The following ZCCHC10 variants were observed in gnomAD, a reference collection of about 807,000 sequenced individuals.
ZCCHC10 encodes the protein zinc finger CCHC domain-containing protein 10.
Under a neutral mutation model 19.5 loss-of-function variants are expected in ZCCHC10, and 16 were observed. The observed-to-expected ratio is 0.82, with a 90% CI of 0.56 to 1.25. ZCCHC10 has a LOEUF of 1.25. ZCCHC10 is among the 50% of genes most tolerant of loss of function. The pLI is 0.00. For missense variants in ZCCHC10, 197 were observed against 201.0 expected, an observed-to-expected ratio of 0.98 and a Z score of 0.12; for synonymous variants, 67 against 72.5, an observed-to-expected ratio of 0.92 and a Z score of 0.38.
intron 1 of ZCCHC10, 103 bp downstream of exon 1, chr5:133,026,394 C>T: frequency 6.7e-7 from 1 of 1,482,774 alleles, no homozygotes; most frequent in Non-Finnish European, 9.2e-7. Context: ...GTTTGAGAAA[C>T]GGACATTCTC....
chr5:133,018,406 T>G (rs1263705024), intron 2 of ZCCHC10, among the ~76,000 whole-genome samples: 3 of 151,740 alleles, frequency 2.0e-5, no homozygotes, highest in African/African-American at 4.8e-5. Flanking sequence ...CCTTGGCCTC[T>G]CTCTTTTTTT....
At position 132,997,502 on chromosome 5, in the gene ZCCHC10, C is replaced by T. The variant is rs1762503137; in HGVS notation, c.*1081G>A. On this transcript the variant is annotated 3_prime_UTR_variant, in exon 5 of 5. Transcript: ENST00000509437. ...CATTTTACTTTTAAGAAATATTGTG[C>T]AGTATCTCCTTTTTAACCTTTCATG... The T allele has an allele frequency of 6.6e-6, 1 of 152,070 alleles. No individual in the cohort carries two copies. Among genetic ancestry groups the T allele is most frequent in the African/African-American group, 2.4e-5 (1 of 41,412 alleles). 9.4% of individuals were successfully genotyped at this position (152,070 alleles called of 1,614,324 possible). A position where few individuals can be genotyped will look rare whatever the true frequency, so the allele number is the denominator to read the frequency against.
At chr5:133,004,781 T>A (rs112244576) in intron 3 of ZCCHC10, among the ~76,000 whole-genome samples, 4,470 of 151,598 alleles carry the variant, frequency 0.029, 219 homozygotes, top group African/African-American at 0.1. Flanking sequence ...TAAGCCACCG[T>A]GCCCGGCTTA....
intron 3 of ZCCHC10, among the ~76,000 whole-genome samples, chr5:133,005,465 T>C (rs968434517): frequency 5.9e-5 from 9 of 151,802 alleles, no homozygotes; most frequent in African/African-American, 2.2e-4. Context: ...ATACAAAAAA[T>C]TAGCCAGGCG....
At chr5:133,008,442 G>T (rs887641338) in intron 2 of ZCCHC10, among the ~76,000 whole-genome samples, 1 of 150,882 alleles carries the variant, frequency 6.6e-6, no homozygotes, top group Non-Finnish European at 1.5e-5. Flanking sequence ...GGAGGCTGAG[G>T]CAGGAGAATC....
At chr5:133,011,143 G>C (rs1157964529) in intron 2 of ZCCHC10, among the ~76,000 whole-genome samples, 2 of 151,120 alleles carry the variant, frequency 1.3e-5, no homozygotes, top group Non-Finnish European at 2.9e-5. Context: ...TTAGAGAAGA[G>C]GTCTCACTAA....
intron 3 of ZCCHC10, among the ~76,000 whole-genome samples, chr5:133,006,197 C>T (rs778276384): frequency 1.3e-5 from 2 of 151,720 alleles, no homozygotes; most frequent in East Asian, 1.9e-4. Flanking sequence ...GTTGGCCAGG[C>T]GTCGGCCTCC....
chr5:133,014,688 C>T (rs74349292), intron 2 of ZCCHC10, among the ~76,000 whole-genome samples: 1,914 of 152,312 alleles, frequency 0.013, 52 homozygotes, highest in African/African-American at 0.044. Flanking sequence ...AAATTTGCTT[C>T]CAAGCCCACT....
chr5:133,017,753 A>G (rs1424779993), intron 2 of ZCCHC10, among the ~76,000 whole-genome samples: 1 of 152,204 alleles, frequency 6.6e-6, no homozygotes, highest in African/African-American at 2.4e-5. Flanking sequence ...GGAATACTTC[A>G]TGGTAATAAC....
At position 133,006,134 on chromosome 5, in the gene ZCCHC10, G is replaced by A. The variant is rs188326624; in HGVS notation, c.269+625C>T. ...TGAGTAGCTGGGATTACAGGTACCT[G>A]CCACTATGCCCGGCTAATTTTTGTA... is the stretch of plus-strand genomic sequence containing the variant. On this transcript the variant is annotated intron_variant, in intron 3 of 4. Transcript: ENST00000509437. Among the ~76,000 whole-genome samples the A allele has an allele frequency of 9.3e-4, 138 of 148,634 alleles. 1 individual carries two copies. Among genetic ancestry groups the A allele is most frequent in the Non-Finnish European group, 1.6e-3 (106 of 65,996 alleles).
chr5:133,020,319 C>T (rs1217801623), intron 2 of ZCCHC10, among the ~76,000 whole-genome samples: 1 of 152,002 alleles, frequency 6.6e-6, no homozygotes, highest in Non-Finnish European at 1.5e-5. Context: ...AAAAATTAGC[C>T]TGTAATCCCA....
At chr5:133,010,163 C>T (rs1389526304) in intron 2 of ZCCHC10, among the ~76,000 whole-genome samples, 1 of 150,908 alleles carries the variant, frequency 6.6e-6, no homozygotes, top group Non-Finnish European at 1.5e-5. Flanking sequence ...ATTTTCCTGC[C>T]TCAGCTTCGG....
chr5:133,019,568 T>C (rs1336703858), intron 2 of ZCCHC10, among the ~76,000 whole-genome samples: 1 of 152,172 alleles, frequency 6.6e-6, no homozygotes, highest in Admixed American at 6.6e-5. Context: ...AAGCAGGGAA[T>C]AGCCACTCTG....
chr5:133,007,403 C>T (rs750827903), intron 2 of ZCCHC10, among the ~76,000 whole-genome samples: 3 of 151,960 alleles, frequency 2.0e-5, no homozygotes, highest in Non-Finnish European at 4.4e-5. Flanking sequence ...ATTAGCCAAG[C>T]GTGGTGGTGG....
intron 2 of ZCCHC10, among the ~76,000 whole-genome samples, chr5:133,016,601 C>G (rs1264467970): frequency 6.6e-6 from 1 of 152,052 alleles, no homozygotes; most frequent in East Asian, 1.9e-4. Flanking sequence ...TGCCACCACA[C>G]CCGGCTAATT....
At chr5:133,018,036 G>A (rs1399304068) in intron 2 of ZCCHC10, among the ~76,000 whole-genome samples, 1 of 151,746 alleles carries the variant, frequency 6.6e-6, no homozygotes, top group African/African-American at 2.4e-5. Flanking sequence ...TCCCAACTGC[G>A]TGGGAGGCTG....
chr5:133,004,905 T>C (rs1352969658), intron 3 of ZCCHC10, among the ~76,000 whole-genome samples: 8 of 152,332 alleles, frequency 5.3e-5, no homozygotes, highest in Non-Finnish European at 1.0e-4. Flanking sequence ...CCATCTGTTA[T>C]ATGCCACAAG....
rs534099433 is a variant in ZCCHC10, at chr5:133,024,912, C to CA, written c.41+1584dup. ...AGTGAGACTCCGTCTAAAAAAAAAACAAAAAAAACCTGTCTGACTTCGAGC... is the reference window on the plus strand; with the variant it reads ...AGTGAGACTCCGTCTAAAAAAAAAACAAAAAAAAACCTGTCTGACTTCGAGC... On this transcript the variant is annotated intron_variant, in intron 1 of 4. Coordinates refer to ENST00000509437, the MANE Select transcript of ZCCHC10 (RefSeq NM_001300816.3). Among the ~76,000 whole-genome samples, 116 of 150,700 alleles carry CA rather than the reference C, an allele frequency of 7.7e-4. No homozygotes were observed. The Middle Eastern group carries it at 0.027, about 35-fold the overall frequency.
chr5:133,014,446 T>C (rs1470504719), intron 2 of ZCCHC10, among the ~76,000 whole-genome samples: 1 of 152,102 alleles, frequency 6.6e-6, no homozygotes, highest in Non-Finnish European at 1.5e-5. Flanking sequence ...ATTACAGGCG[T>C]GAGCCACCGC....
Sources: allele counts gnomAD v4.1 joint callset (sites outside exome capture counted in the v4.1 genomes callset), GRCh38; gene constraint gnomAD v4.1.1; transcripts MANE v1.5; gene names NCBI Gene and HGNC (gene_info 2026-07-23, HGNC 2026-07-21).